Variants in PCDHGA3 observed in about 807,000 individuals in gnomAD.
PCDHGA3 encodes protocadherin gamma subfamily A, 3.
A neutral mutation model predicts 58.5 loss-of-function variants in PCDHGA3; 40 were observed. The observed-to-expected ratio is 0.68, with a 90% CI of 0.53 to 0.89. The LOEUF is 0.89. PCDHGA3 is among the 40% of genes least tolerant of loss of function. The pLI is 0.00. For synonymous variants in PCDHGA3, 530 were observed against 525.7 expected (o/e 1.01, Z -0.11); for missense variants, 1,223 against 1,195.9 (o/e 1.02, Z -0.33).
chr5:141,346,620 C>A, intron 1 of PCDHGA3, 163 bp downstream of exon 1: 1 of 1,055,852 alleles, frequency 9.5e-7, no homozygotes, highest in Non-Finnish European at 1.4e-6. Context: ...TAGGACTGCA[C>A]TCCCCGGTCT....
intron 1 of PCDHGA3, among the ~76,000 whole-genome samples, chr5:141,347,870 G>A (rs1314209544): frequency 1.3e-5 from 2 of 152,048 alleles, no homozygotes; most frequent in Non-Finnish European, 2.9e-5. Flanking sequence ...GCTTATGTGT[G>A]TATTCATTTT....
intron 1 of PCDHGA3, chr5:141,419,396 G>A (rs772000806): frequency 3.7e-6 from 6 of 1,613,600 alleles, no homozygotes; most frequent in Admixed American, 1.7e-5. Flanking sequence ...GCAGAGCGGG[G>A]TGGTGTTCGC....
intron 1 of PCDHGA3, among the ~76,000 whole-genome samples, chr5:141,463,191 C>T (rs2099054821): frequency 6.6e-6 from 1 of 152,100 alleles, no homozygotes; most frequent in Non-Finnish European, 1.5e-5. Flanking sequence ...TATTATTTAG[C>T]CAAAGACTTG....
Position 141,489,712 on chromosome 5 carries a change from C to G in PCDHGA3, c.2425-5095C>G. On this transcript the variant is annotated intron_variant, in intron 1 of 3. Transcript: ENST00000253812. The surrounding 1 kb of genome is among the most constrained non-coding windows in gnomAD (Gnocchi z 4.5). ...GGCACGATTCCCACTGGACAGTGCC[C>G]AGGATCCGGATGTGGGCACCAATAC... The G allele has an allele frequency of 6.2e-7, 1 of 1,614,162 alleles. No individual in the cohort carries two copies. Among genetic ancestry groups the G allele is most frequent in the South Asian group, 1.1e-5 (1 of 91,078 alleles).
chr5:141,499,485 A>G (rs1278629076), intron 2 of PCDHGA3, among the ~76,000 whole-genome samples: 2 of 152,226 alleles, frequency 1.3e-5, no homozygotes, highest in Non-Finnish European at 2.9e-5. Flanking sequence ...ACCACCAACT[A>G]CAGTTTAATA....
intron 1 of PCDHGA3, among the ~76,000 whole-genome samples, chr5:141,480,115 G>A (rs1164458958): frequency 6.6e-6 from 1 of 152,110 alleles, no homozygotes; most frequent in African/African-American, 2.4e-5. Flanking sequence ...CATGGTGCCT[G>A]GCATATCATA....
At chr5:141,506,680 A>G (rs949777571) in intron 3 of PCDHGA3, among the ~76,000 whole-genome samples, 1 of 152,212 alleles carries the variant, frequency 6.6e-6, no homozygotes, top group Non-Finnish European at 1.5e-5. Context: ...ATATATTATT[A>G]TCTTTGCTGA....
chr5:141,421,924 G>A, intron 1 of PCDHGA3: 1 of 1,613,564 alleles, frequency 6.2e-7, no homozygotes, highest in South Asian at 1.1e-5. Context: ...TCGTGTGGTG[G>A]TCCTCGATGT....
chr5:141,439,042 A>C (rs2098084096), intron 1 of PCDHGA3, among the ~76,000 whole-genome samples: 1 of 151,642 alleles, frequency 6.6e-6, no homozygotes, highest in Non-Finnish European at 1.5e-5. Context: ...TCAGTTCATA[A>C]GATTTCCATA....
At chr5:141,379,889 CTTTTTTTTTTTTTTTTTTT>C (rs70988800) in intron 1 of PCDHGA3, among the ~76,000 whole-genome samples, 3 of 50,830 alleles carry the variant, frequency 5.9e-5, no homozygotes, top group African/African-American at 1.3e-4. Flanking sequence ...GTGAAAGCCT[CTTTTTTTTTTTTTTTTTTT>C]TTTTTTTTTT....
rs780491756 is a variant in PCDHGA3 at position 141,375,972 on chromosome 5, G to A, written c.2424+29515G>A. ...CACACGGGCGAGGTGCGCACGGCGC[G>A]CGCCCTGCTGGACAGAGACGCGCTC... is the stretch of plus-strand genomic sequence containing the variant. On this transcript the variant is annotated intron_variant, in intron 1 of 3. Transcript: ENST00000253812. 9.9e-6 allele frequency: 16 copies of A among 1,613,336 alleles called. No homozygotes were observed. In the Admixed American group the frequency reaches 1.0e-4, roughly 10 times the overall value.
chr5:141,405,041 G>A (rs1276032851), intron 1 of PCDHGA3: 1 of 1,613,976 alleles, frequency 6.2e-7, no homozygotes, highest in Non-Finnish European at 8.5e-7. Flanking sequence ...CGTTGTGGCT[G>A]TGGCAGTCGT....
intron 1 of PCDHGA3, chr5:141,375,806 G>T (rs1223554303): frequency 6.8e-6 from 11 of 1,614,088 alleles, no homozygotes; most frequent in African/African-American, 1.3e-5. Context: ...TTCCACTGGC[G>T]TGGAGCTGGC....
intron 1 of PCDHGA3, chr5:141,393,531 C>G (rs997965420): frequency 6.2e-7 from 1 of 1,614,008 alleles, no homozygotes; most frequent in Non-Finnish European, 8.5e-7. Context: ...TGACAATGCC[C>G]CGGTTTTTCC....
chr5:141,407,009 T>C (rs1388688972), intron 1 of PCDHGA3, among the ~76,000 whole-genome samples: 1 of 152,198 alleles, frequency 6.6e-6, no homozygotes, highest in Non-Finnish European at 1.5e-5. Flanking sequence ...AGCTTTGAAG[T>C]TGACTCAAAA....
Position 141,431,663 on chromosome 5 carries a change from T to G in PCDHGA3, c.2425-63144T>G, listed in dbSNP as rs2097405149. ...ACTAGATTGTAATTCAGGGACAATA[T>G]CAACAATAGGGGAGTTGGACCACGA... On this transcript the variant is annotated intron_variant, in intron 1 of 3. Coordinates refer to ENST00000253812, the MANE Select transcript of PCDHGA3 (RefSeq NM_018916.4). The surrounding 1 kb of genome is among the most constrained non-coding windows in gnomAD (Gnocchi z 4.8). The G allele has an allele frequency of 6.2e-7, 1 of 1,614,168 alleles. No individual in the cohort carries two copies.
chr5:141,351,628 C>T lies in PCDHGA3; in HGVS notation c.2424+5171C>T, dbSNP rs1481594120. 4.3e-6 allele frequency: 7 copies of T among 1,613,956 alleles called. No homozygotes were observed. In the Admixed American group the frequency reaches 1.0e-4, roughly 23 times the overall value. ...TCCATCAGGCCTCCTATGTGGTCCA[C>T]GTGTCTGAGAACAACCCACCTGGCG... On this transcript the variant is annotated intron_variant, in intron 1 of 3. Transcript: ENST00000253812.
At chr5:141,399,350 G>T (rs746925566) in intron 1 of PCDHGA3, 2 of 1,613,964 alleles carry the variant, frequency 1.2e-6, no homozygotes, top group East Asian at 2.2e-5. Flanking sequence ...ACCCTAGACC[G>T]AGAGCAAACC....
At chr5:141,405,415 G>A in intron 1 of PCDHGA3, 4 of 1,559,568 alleles carry the variant, frequency 2.6e-6, no homozygotes, top group African/African-American at 1.4e-5. Flanking sequence ...TTCTTTTTTT[G>A]TTTTTTGTTT....
Sources: allele counts gnomAD v4.1 joint callset (sites outside exome capture counted in the v4.1 genomes callset), GRCh38; gene constraint gnomAD v4.1.1; non-coding constraint Gnocchi (gnomAD v3.1); transcripts MANE v1.5; gene names NCBI Gene and HGNC (gene_info 2026-07-23, HGNC 2026-07-21).